Variants in GRIK1 observed in about 807,000 individuals in gnomAD.
GRIK1 encodes glutamate ionotropic receptor kainate type subunit 1, also known as glutamate receptor ionotropic, kainate 1.
GRIK1 carries 69 observed loss-of-function variants against 105.7 expected under a neutral mutation model. That is an observed-to-expected ratio of 0.65 (90% CI 0.54 to 0.80). The LOEUF (loss-of-function observed/expected upper bound fraction) is 0.80. Among genes scored for constraint, GRIK1 ranks in the 30% least tolerant of loss-of-function variants. GRIK1 has a pLI of 0.00. For synonymous variants in GRIK1, 438 were observed against 431.3 expected (o/e 1.02, Z -0.19); for missense variants, 1,109 against 1,167.3 (o/e 0.95, Z 0.73).
intron 12 of GRIK1, among the ~76,000 whole-genome samples, chr21:29,584,109 TAC>T (rs2091079849): frequency 6.6e-6 from 1 of 152,186 alleles, no homozygotes; most frequent in South Asian, 2.1e-4. Context: ...CTGCCTGGCT[TAC>T]ACTTGAAGAT....
chr21:29,902,105 G>T (rs183726200), intron 1 of GRIK1, among the ~76,000 whole-genome samples: 15 of 152,288 alleles, frequency 9.8e-5, no homozygotes, highest in Non-Finnish European at 1.5e-4. Flanking sequence ...AGCCTTTCAT[G>T]CTAAAAACTC....
intron 4 of GRIK1, among the ~76,000 whole-genome samples, chr21:29,662,458 T>C (rs2062984095): frequency 6.6e-6 from 1 of 152,126 alleles, no homozygotes; most frequent in South Asian, 2.1e-4. Context: ...GGAAACAAAT[T>C]TTAACAGCAA....
chr21:29,603,678 G>A (rs1359884169), intron 7 of GRIK1, among the ~76,000 whole-genome samples: 1 of 152,172 alleles, frequency 6.6e-6, no homozygotes, highest in Non-Finnish European at 1.5e-5. Flanking sequence ...GGCTGGCTTT[G>A]TGGATTGATG....
At chr21:29,604,539 G>A (rs1023973221) in intron 7 of GRIK1, among the ~76,000 whole-genome samples, 7 of 152,138 alleles carry the variant, frequency 4.6e-5, no homozygotes, top group African/African-American at 1.2e-4. Flanking sequence ...GATCCATGAG[G>A]AATCCATTTT....
At chr21:29,890,242 T>C (rs1188138699) in intron 1 of GRIK1, among the ~76,000 whole-genome samples, 1 of 152,164 alleles carries the variant, frequency 6.6e-6, no homozygotes, top group East Asian at 1.9e-4. Context: ...CTGATAAACT[T>C]CTTTTTACAA....
intron 7 of GRIK1, among the ~76,000 whole-genome samples, chr21:29,630,062 T>C (rs921146789): frequency 6.6e-6 from 1 of 152,156 alleles, no homozygotes; most frequent in Non-Finnish European, 1.5e-5. Flanking sequence ...CATTAGACTT[T>C]TCTTATGTGG....
rs1436431120 is a variant in GRIK1, at chr21:29,719,280, G to T, written c.119-25217C>A. Among the ~76,000 whole-genome samples the T allele has an allele frequency of 2.6e-5, 4 of 151,152 alleles. No individual in the cohort carries two copies. In the East Asian group the frequency reaches 7.8e-4, roughly 29 times the overall value. On this transcript the variant is annotated intron_variant, in intron 1 of 17. Transcript: ENST00000327783. ...TCTAGATGAAATTTTTTTCCTTAGT[G>T]ATAGTATACTTTACAAATTTTTCTA...
intron 4 of GRIK1, among the ~76,000 whole-genome samples, chr21:29,668,853 G>A (rs141093316): frequency 4.6e-5 from 7 of 152,324 alleles, no homozygotes; most frequent in Admixed American, 6.5e-5. Context: ...CGAAAGAGTA[G>A]TTGGACTTGG....
chr21:29,862,418 A>G (rs1440170776), intron 1 of GRIK1, among the ~76,000 whole-genome samples: 1 of 152,174 alleles, frequency 6.6e-6, no homozygotes, highest in East Asian at 1.9e-4. Flanking sequence ...AAGAAATTAA[A>G]TTTAAAAACT....
chr21:29,927,696 C>A (rs2071424662), intron 1 of GRIK1, among the ~76,000 whole-genome samples: 2 of 151,728 alleles, frequency 1.3e-5, no homozygotes, highest in Admixed American at 6.6e-5. Context: ...CATGGTGAAA[C>A]CCCGTCTCTA....
chr21:29,931,425 C>T (rs929728628), intron 1 of GRIK1, among the ~76,000 whole-genome samples: 62 of 152,170 alleles, frequency 4.1e-4, no homozygotes, highest in African/African-American at 1.3e-3. Flanking sequence ...GGGAGGAAGA[C>T]CAGATAGGTA....
chr21:29,573,604 C>T (rs1397677556), intron 14 of GRIK1, among the ~76,000 whole-genome samples: 1 of 151,950 alleles, frequency 6.6e-6, no homozygotes, highest in African/African-American at 2.4e-5. Flanking sequence ...AATTCCAGCA[C>T]TTTGGGAGGC....
intron 6 of GRIK1, among the ~76,000 whole-genome samples, chr21:29,643,245 A>G (rs929888876): frequency 5.9e-5 from 9 of 152,244 alleles, no homozygotes; most frequent in Non-Finnish European, 1.3e-4. Flanking sequence ...GATTCAAGGA[A>G]CAAATATTTT....
At chr21:29,672,479 A>C (rs553657140) in intron 4 of GRIK1, among the ~76,000 whole-genome samples, 1 of 152,296 alleles carries the variant, frequency 6.6e-6, no homozygotes, top group Non-Finnish European at 1.5e-5. Context: ...AACACATAGC[A>C]GTTTATTGTC....
chr21:29,598,816 G>C lies in GRIK1; in HGVS notation c.1206+14C>G, dbSNP rs756221631. ...TCATTTGTTATTTTATTTATTTATT[G>C]TTAAGGAGGTTACCTTTTCAGTTCC... is the stretch of plus-strand genomic sequence containing the variant. On this transcript the variant is annotated intron_variant, in intron 8 of 17. Coordinates refer to ENST00000327783, the MANE Select transcript of GRIK1 (RefSeq NM_001330994.2). 12 of 1,102,678 alleles carry C rather than the reference G, an allele frequency of 1.1e-5. No homozygotes were observed. The highest frequency in any genetic ancestry group is 1.6e-5 in the Non-Finnish European group (12 of 730,266). 68.3% of individuals were successfully genotyped at this position (1,102,678 alleles called of 1,614,324 possible). A position where few individuals can be genotyped will look rare whatever the true frequency, so the allele number is the denominator to read the frequency against.
chr21:29,580,529 C>G (rs2091005152), intron 13 of GRIK1, among the ~76,000 whole-genome samples: 1 of 152,078 alleles, frequency 6.6e-6, no homozygotes, highest in South Asian at 2.1e-4. Flanking sequence ...ATAAATATTT[C>G]AAGTGTTATA....
At chr21:29,915,176 G>T (rs2070951647) in intron 1 of GRIK1, among the ~76,000 whole-genome samples, 1 of 148,564 alleles carries the variant, frequency 6.7e-6, no homozygotes, top group South Asian at 2.1e-4. Flanking sequence ...CTATATACAT[G>T]AATCCAGACA....
chr21:29,671,500 A>G (rs1316881262), intron 4 of GRIK1, among the ~76,000 whole-genome samples: 1 of 151,908 alleles, frequency 6.6e-6, no homozygotes, highest in African/African-American at 2.4e-5. Context: ...TAAAAACTCA[A>G]TTCTGAACTC....
intron 7 of GRIK1, among the ~76,000 whole-genome samples, chr21:29,609,125 G>A (rs2061677967): frequency 1.3e-5 from 2 of 149,122 alleles, no homozygotes; most frequent in Admixed American, 1.3e-4. Flanking sequence ...AGATAAAAAG[G>A]TATTATTAAA....
Sources: gnomAD v4.1 joint callset for allele counts (sites outside exome capture counted in the v4.1 genomes callset) on GRCh38, gnomAD v4.1.1 for gene constraint, MANE v1.5 for transcripts, NCBI Gene and HGNC (gene_info 2026-07-23, HGNC 2026-07-21) for gene names.